ZDHHC14: variants seen among roughly 807,000 people sequenced by gnomAD.
ZDHHC14 encodes the protein zDHHC palmitoyltransferase 14.
In ZDHHC14, 16 loss-of-function variants were observed where a neutral mutation model predicts 47.7. The observed-to-expected ratio is 0.34, with a 90% confidence interval of 0.23 to 0.51. The LOEUF is 0.51. ZDHHC14 is among the 20% of genes least tolerant of loss of function. The pLI, the probability that ZDHHC14 is intolerant of heterozygous loss-of-function variation, is 0.97. For missense variants in ZDHHC14, 515 were observed against 662.5 expected, an observed-to-expected ratio of 0.78 and a Z score of 2.44; for synonymous variants, 293 against 278.9, an observed-to-expected ratio of 1.05 and a Z score of -0.50.
chr6:157,405,809 TTAAAAA>T (rs1312549809), intron 1 of ZDHHC14, among the ~76,000 whole-genome samples: 1 of 152,190 alleles, frequency 6.6e-6, no homozygotes, highest in Non-Finnish European at 1.5e-5. Flanking sequence ...ATGACTGGCC[TTAAAAA>T]TAAAGTGCTA....
At chr6:157,414,148 TCTCAAACTC>T (rs1438270345) in intron 1 of ZDHHC14, among the ~76,000 whole-genome samples, 2 of 152,122 alleles carry the variant, frequency 1.3e-5, no homozygotes, top group Non-Finnish European at 2.9e-5. Context: ...GCCAGGATGG[TCTCAAACTC>T]CTGACCTCAG....
rs1255023459 is a variant in ZDHHC14 at position 157,596,923 on chromosome 6, G to A, written c.565+3777G>A. On this transcript the variant is annotated intron_variant, in intron 3 of 8. Coordinates refer to ENST00000359775, the MANE Select transcript of ZDHHC14 (RefSeq NM_024630.3). Reference sequence around the variant, plus strand: ...GCGTCTTCACAAAGTAGTAGGAATCGCCTTGTTTCTCTGTAATCTGGAAGG... The same window carrying A: ...GCGTCTTCACAAAGTAGTAGGAATCACCTTGTTTCTCTGTAATCTGGAAGG... 3.3e-5 allele frequency among the ~76,000 whole-genome samples: 5 copies of A among 152,098 alleles called. No individual in the cohort carries two copies. In the South Asian group the frequency reaches 6.2e-4, roughly 19 times the overall value.
intron 3 of ZDHHC14, among the ~76,000 whole-genome samples, chr6:157,626,275 C>T (rs188947798): frequency 1.4e-4 from 21 of 152,242 alleles, no homozygotes; most frequent in Admixed American, 6.5e-4. Flanking sequence ...GATTCCATCC[C>T]AGCATGTGCT....
intron 7 of ZDHHC14, among the ~76,000 whole-genome samples, chr6:157,650,694 C>T (rs1777792712): frequency 6.6e-6 from 1 of 151,816 alleles, no homozygotes; most frequent in African/African-American, 2.4e-5. Flanking sequence ...AGCACTTTGC[C>T]TCCAAAATAG....
At chr6:157,457,467 G>C (rs1778948765) in intron 1 of ZDHHC14, among the ~76,000 whole-genome samples, 2 of 152,176 alleles carry the variant, frequency 1.3e-5, no homozygotes, top group Admixed American at 1.3e-4. Context: ...TTTTAAAACG[G>C]ACAATAAAGC....
chr6:157,494,355 T>A (rs901230257), intron 1 of ZDHHC14, among the ~76,000 whole-genome samples: 1 of 152,214 alleles, frequency 6.6e-6, no homozygotes, highest in Admixed American at 6.5e-5. Flanking sequence ...GACACTCTTC[T>A]CTGCCACCAC....
At chr6:157,417,901 C>T (rs1778015640) in intron 1 of ZDHHC14, among the ~76,000 whole-genome samples, 1 of 150,668 alleles carries the variant, frequency 6.6e-6, no homozygotes, top group African/African-American at 2.5e-5. Context: ...TTGCAGTGAC[C>T]TGTGATTGTG....
At chr6:157,479,665 G>C (rs1203792540) in intron 1 of ZDHHC14, among the ~76,000 whole-genome samples, 1 of 152,212 alleles carries the variant, frequency 6.6e-6, no homozygotes, top group African/African-American at 2.4e-5. Flanking sequence ...GTGGCATGGA[G>C]GTGTTTACCT....
intron 1 of ZDHHC14, among the ~76,000 whole-genome samples, chr6:157,440,630 C>A (rs1484051044): frequency 6.6e-6 from 1 of 152,126 alleles, no homozygotes; most frequent in African/African-American, 2.4e-5. Flanking sequence ...GCGTTCTTTA[C>A]AATAGCAAAA....
chr6:157,557,502 C>T (rs1782523748), intron 2 of ZDHHC14, among the ~76,000 whole-genome samples: 1 of 152,154 alleles, frequency 6.6e-6, no homozygotes, highest in African/African-American at 2.4e-5. Context: ...TTGATTTTCA[C>T]ATTCGGCAGA....
intron 1 of ZDHHC14, among the ~76,000 whole-genome samples, chr6:157,484,432 G>GTATATATACA (rs1406423005): frequency 7.1e-5 from 10 of 140,158 alleles, no homozygotes; most frequent in African/African-American, 2.7e-4. Context: ...ATATATATAC[G>GTATATATACA]TATATATACA....
At chr6:157,671,774 G>C (rs780257304) in intron 8 of ZDHHC14, among the ~76,000 whole-genome samples, 1 of 152,250 alleles carries the variant, frequency 6.6e-6, no homozygotes, top group Non-Finnish European at 1.5e-5. Flanking sequence ...AATGGCTCTT[G>C]AAGCTGTTGG....
intron 1 of ZDHHC14, among the ~76,000 whole-genome samples, chr6:157,396,345 A>G (rs2114740901): frequency 6.6e-6 from 1 of 152,340 alleles, no homozygotes; most frequent in Non-Finnish European, 1.5e-5. Flanking sequence ...TATATAATCA[A>G]AGCAATTTAT....
intron 1 of ZDHHC14, among the ~76,000 whole-genome samples, chr6:157,414,718 A>G (rs1777939440): frequency 6.6e-6 from 1 of 151,894 alleles, no homozygotes; most frequent in African/African-American, 2.4e-5. Flanking sequence ...TTCAGTGTCC[A>G]TATCGTACAG....
intron 2 of ZDHHC14, 68 bp downstream of exon 2, chr6:157,542,813 C>G: frequency 6.5e-7 from 1 of 1,546,578 alleles, no homozygotes; most frequent in Non-Finnish European, 8.8e-7. Context: ...GTGGGGACGG[C>G]AGGCCGAGGG....
At chr6:157,397,530 C>T (rs1266851252) in intron 1 of ZDHHC14, among the ~76,000 whole-genome samples, 1 of 152,192 alleles carries the variant, frequency 6.6e-6, no homozygotes, top group East Asian at 1.9e-4. Context: ...TCACACCTCC[C>T]TCTGCCCGCA....
intron 8 of ZDHHC14, among the ~76,000 whole-genome samples, chr6:157,658,495 C>T (rs1778199742): frequency 6.6e-6 from 1 of 152,108 alleles, no homozygotes. Flanking sequence ...CTCCTCCCAC[C>T]CACCCTGACC....
intron 1 of ZDHHC14, among the ~76,000 whole-genome samples, chr6:157,467,895 C>T (rs1302613145): frequency 6.6e-6 from 1 of 152,118 alleles, no homozygotes; most frequent in East Asian, 1.9e-4. Context: ...CATATTTATA[C>T]ATATATCGGT....
intron 1 of ZDHHC14, among the ~76,000 whole-genome samples, chr6:157,464,711 C>T (rs931627412): frequency 6.6e-6 from 1 of 152,180 alleles, no homozygotes; most frequent in African/African-American, 2.4e-5. Flanking sequence ...ACTTAGTGAC[C>T]CGAAGCAAAT....
Sources: gnomAD v4.1 joint callset for allele counts (sites outside exome capture counted in the v4.1 genomes callset) on GRCh38, gnomAD v4.1.1 for gene constraint, MANE v1.5 for transcripts, NCBI Gene and HGNC (gene_info 2026-07-23, HGNC 2026-07-21) for gene names.